The following IMMP2L variants were observed in gnomAD, a reference collection of about 807,000 sequenced individuals.
The protein encoded by IMMP2L is inner mitochondrial membrane peptidase subunit 2.
In IMMP2L, 18 loss-of-function variants were observed where a neutral mutation model predicts 19.3. The ratio of observed to expected loss-of-function variants is 0.93; its 90% CI spans 0.64 to 1.38. The LOEUF (loss-of-function observed/expected upper bound fraction) is 1.38. Among genes scored for constraint, IMMP2L ranks in the 40% most tolerant of loss-of-function variants. The pLI, the probability that IMMP2L is intolerant of heterozygous loss-of-function variation, is 0.00. For missense variants in IMMP2L, 233 were observed against 218.2 expected, an observed-to-expected ratio of 1.07 and a Z score of -0.43; for synonymous variants, 76 against 73.0, an observed-to-expected ratio of 1.04 and a Z score of -0.21.
intron 4 of IMMP2L, among the ~76,000 whole-genome samples, chr7:110,941,609 T>C (rs1018486581): frequency 2.0e-5 from 3 of 152,296 alleles, no homozygotes; most frequent in Non-Finnish European, 2.9e-5. Flanking sequence ...AACTTGTGAG[T>C]AATATAAATA....
intron 3 of IMMP2L, among the ~76,000 whole-genome samples, chr7:111,295,890 C>T (rs549273720): frequency 2.3e-4 from 35 of 150,248 alleles, no homozygotes; most frequent in Non-Finnish European, 4.2e-4. Context: ...GGATTTTATA[C>T]CCAAATATAA....
At chr7:111,272,843 C>T (rs1584390273) in intron 3 of IMMP2L, among the ~76,000 whole-genome samples, 1 of 152,106 alleles carries the variant, frequency 6.6e-6, no homozygotes, top group Admixed American at 6.6e-5. Flanking sequence ...TTTTCATTTA[C>T]CCAGTAAGAT....
At chr7:111,242,853 G>A (rs1390713415) in intron 3 of IMMP2L, among the ~76,000 whole-genome samples, 1 of 151,914 alleles carries the variant, frequency 6.6e-6, no homozygotes, top group Non-Finnish European at 1.5e-5. Context: ...TTAAGATTTT[G>A]GACTCCGACA....
intron 3 of IMMP2L, among the ~76,000 whole-genome samples, chr7:111,236,032 TTTTCACATCTTCCA>T (rs1374520708): frequency 3.9e-5 from 6 of 152,110 alleles, no homozygotes; most frequent in African/African-American, 7.2e-5. Flanking sequence ...ATTTAAGTCT[TTTTCACATCTTCCA>T]TTTCTGTGCT....
At chr7:111,363,616 G>A (rs907330049) in intron 3 of IMMP2L, among the ~76,000 whole-genome samples, 3 of 152,012 alleles carry the variant, frequency 2.0e-5, no homozygotes, top group Non-Finnish European at 4.4e-5. Context: ...TGTTAGTCTA[G>A]CTGATTTGTC....
intron 3 of IMMP2L, among the ~76,000 whole-genome samples, chr7:111,305,669 A>T (rs1293543493): frequency 1.3e-5 from 2 of 152,160 alleles, no homozygotes; most frequent in African/African-American, 4.8e-5. Context: ...ACCAGATAAC[A>T]TATATTTATG....
intron 5 of IMMP2L, among the ~76,000 whole-genome samples, chr7:110,675,484 C>A (rs1323104876): frequency 6.6e-6 from 1 of 152,106 alleles, no homozygotes; most frequent in African/African-American, 2.4e-5. Flanking sequence ...CATCAGAAAA[C>A]CAATTTTCTT....
chr7:111,319,602 T>A (rs1389283445), intron 3 of IMMP2L, among the ~76,000 whole-genome samples: 2 of 152,138 alleles, frequency 1.3e-5, no homozygotes, highest in East Asian at 1.9e-4. Flanking sequence ...CAATTTTATA[T>A]GTTTGGTTTC....
chr7:110,866,483 C>T (rs941810563), intron 5 of IMMP2L, among the ~76,000 whole-genome samples: 3 of 151,842 alleles, frequency 2.0e-5, no homozygotes, highest in Non-Finnish European at 2.9e-5. Flanking sequence ...GCCACCTGAG[C>T]TCTCTCAGGG....
intron 3 of IMMP2L, among the ~76,000 whole-genome samples, chr7:111,466,636 C>T (rs761442925): frequency 4.6e-5 from 7 of 151,962 alleles, no homozygotes; most frequent in Non-Finnish European, 8.8e-5. Context: ...ATCAATACAT[C>T]AGAAATAACT....
At chr7:111,070,328 A>G (rs1015459824) in intron 3 of IMMP2L, among the ~76,000 whole-genome samples, 9 of 152,226 alleles carry the variant, frequency 5.9e-5, no homozygotes, top group African/African-American at 1.9e-4. Flanking sequence ...CACAACGTTT[A>G]AAGTAGCATA....
chr7:110,908,336 A>G (rs575517998), intron 4 of IMMP2L, among the ~76,000 whole-genome samples: 1 of 152,326 alleles, frequency 6.6e-6, no homozygotes, highest in Admixed American at 6.5e-5. Context: ...AGCCTGTGGA[A>G]TAACTCTTTG....
At chr7:111,466,482 T>G (rs1335623769) in intron 3 of IMMP2L, among the ~76,000 whole-genome samples, 1 of 152,148 alleles carries the variant, frequency 6.6e-6, no homozygotes, top group Non-Finnish European at 1.5e-5. Flanking sequence ...ACAAAACTTA[T>G]TTAAAAAATT....
intron 3 of IMMP2L, among the ~76,000 whole-genome samples, chr7:111,227,452 A>G (rs546667754): frequency 4.7e-4 from 71 of 152,258 alleles, no homozygotes; most frequent in African/African-American, 1.7e-3. Flanking sequence ...GACTATAAGG[A>G]TTAGTTATTT....
chr7:111,336,735 T>A (rs1826455147), intron 3 of IMMP2L, among the ~76,000 whole-genome samples: 1 of 152,072 alleles, frequency 6.6e-6, no homozygotes, highest in Non-Finnish European at 1.5e-5. Context: ...TAAAGCACAC[T>A]TATTTTATAG....
intron 2 of IMMP2L, among the ~76,000 whole-genome samples, chr7:111,502,055 G>C (rs1338746275): frequency 6.6e-6 from 1 of 152,092 alleles, no homozygotes; most frequent in Admixed American, 6.6e-5. Flanking sequence ...ATACATCAGT[G>C]TGCTGTATTC....
intron 3 of IMMP2L, among the ~76,000 whole-genome samples, chr7:111,298,669 T>A (rs558831624): frequency 6.6e-6 from 1 of 150,516 alleles, no homozygotes; most frequent in African/African-American, 2.4e-5. Flanking sequence ...GACAAGAGAA[T>A]CGCTTGAACC....
At chr7:110,941,304 A>C (rs985713083) in intron 4 of IMMP2L, among the ~76,000 whole-genome samples, 2 of 152,160 alleles carry the variant, frequency 1.3e-5, no homozygotes, top group Admixed American at 1.3e-4. Context: ...TCTGTTGCTC[A>C]GCATAATTTC....
At chr7:111,027,015 G>A (rs1826904010) in intron 3 of IMMP2L, among the ~76,000 whole-genome samples, 2 of 151,980 alleles carry the variant, frequency 1.3e-5, no homozygotes, top group African/African-American at 4.8e-5. Context: ...TAAGTTTTCT[G>A]TCCTTGTCAC....
Sources: gnomAD v4.1 joint callset for allele counts (sites outside exome capture counted in the v4.1 genomes callset) on GRCh38, gnomAD v4.1.1 for gene constraint, MANE v1.5 for transcripts, NCBI Gene and HGNC (gene_info 2026-07-23, HGNC 2026-07-21) for gene names.